GABRB1: variants seen among roughly 807,000 people sequenced by gnomAD.
GABRB1 encodes gamma-aminobutyric acid receptor subunit beta-1.
GABRB1 carries 17 observed loss-of-function variants against 51.6 expected under a neutral mutation model. That is an observed-to-expected ratio of 0.33 (90% CI 0.23 to 0.49). GABRB1 has a LOEUF of 0.49. Among genes scored for constraint, GABRB1 ranks in the 20% least tolerant of loss-of-function variants. GABRB1 has a pLI of 0.99. For synonymous variants in GABRB1, 247 were observed against 218.9 expected, an observed-to-expected ratio of 1.13 and a Z score of -1.14; for missense variants, 410 against 600.6, an observed-to-expected ratio of 0.68 and a Z score of 3.32.
At chr4:47,132,348 A>C (rs541236087) in intron 3 of GABRB1, among the ~76,000 whole-genome samples, 1 of 151,796 alleles carries the variant, frequency 6.6e-6, no homozygotes, top group Non-Finnish European at 1.5e-5. Flanking sequence ...GGGCTTGTTT[A>C]CCATCTCTGT....
At chr4:47,309,852 T>A (rs1038188513) in intron 4 of GABRB1, among the ~76,000 whole-genome samples, 2 of 152,202 alleles carry the variant, frequency 1.3e-5, no homozygotes, top group African/African-American at 4.8e-5. Context: ...GTTACTCTGA[T>A]AATGTATTTG....
chr4:47,386,988 C>T (rs1016743496), intron 5 of GABRB1, among the ~76,000 whole-genome samples: 18 of 152,216 alleles, frequency 1.2e-4, no homozygotes, highest in Admixed American at 1.0e-3. Context: ...ATGGTGTCAC[C>T]CCACAAAGTG....
intron 5 of GABRB1, among the ~76,000 whole-genome samples, chr4:47,336,734 C>T (rs1725710961): frequency 1.3e-5 from 2 of 152,148 alleles, no homozygotes; most frequent in African/African-American, 4.8e-5. Context: ...GATTTAGCAA[C>T]ACAGAGTGCT....
intron 4 of GABRB1, among the ~76,000 whole-genome samples, chr4:47,182,147 G>T (rs113237087): frequency 0.028 from 1,161 of 41,336 alleles, 7 homozygotes; most frequent in Non-Finnish European, 0.041. Flanking sequence ...GGGTGACCTT[G>T]TCTTGTTGAG....
At chr4:47,040,952 C>A (rs1725812409) in intron 3 of GABRB1, among the ~76,000 whole-genome samples, 1 of 152,014 alleles carries the variant, frequency 6.6e-6, no homozygotes, top group Admixed American at 6.6e-5. Flanking sequence ...CTTTATAAAA[C>A]CTTATAGGTA....
intron 4 of GABRB1, among the ~76,000 whole-genome samples, chr4:47,297,062 A>G (rs1253846180): frequency 6.6e-5 from 10 of 152,200 alleles, no homozygotes; most frequent in East Asian, 3.9e-4. Context: ...TGAAACCAAC[A>G]AGAACAAAGA....
intron 4 of GABRB1, among the ~76,000 whole-genome samples, chr4:47,275,216 A>G (rs1453175062): frequency 6.6e-6 from 1 of 152,194 alleles, no homozygotes; most frequent in African/African-American, 2.4e-5. Flanking sequence ...AAAATGACAA[A>G]GAAGCAAGTC....
upstream of GABRB1, among the ~76,000 whole-genome samples, chr4:47,028,601 T>G (rs978719032): frequency 9.9e-5 from 15 of 151,598 alleles, no homozygotes; most frequent in Admixed American, 9.2e-4. Context: ...GAGAGTAGAA[T>G]GATGAACACC....
chr4:47,116,697 C>T (rs1715495593), intron 3 of GABRB1, among the ~76,000 whole-genome samples: 2 of 152,090 alleles, frequency 1.3e-5, no homozygotes. Context: ...ATTACAATAT[C>T]TAGTACTTTT....
intron 4 of GABRB1, among the ~76,000 whole-genome samples, chr4:47,224,145 C>T (rs1720862327): frequency 1.3e-5 from 2 of 150,440 alleles, no homozygotes; most frequent in African/African-American, 2.4e-5. Flanking sequence ...GAAAAGCCCT[C>T]TCACCACTAT....
At chr4:47,361,053 A>T (rs1726788432) in intron 5 of GABRB1, among the ~76,000 whole-genome samples, 1 of 152,138 alleles carries the variant, frequency 6.6e-6, no homozygotes, top group African/African-American at 2.4e-5. Flanking sequence ...CTGCTACTGG[A>T]TACTGCGGCC....
At chr4:47,310,391 C>T (rs2109951099) in intron 4 of GABRB1, among the ~76,000 whole-genome samples, 1 of 152,206 alleles carries the variant, frequency 6.6e-6, no homozygotes, top group East Asian at 1.9e-4. Context: ...TGCCTGATTC[C>T]TGGTTAGTCA....
intron 1 of GABRB1, among the ~76,000 whole-genome samples, chr4:47,008,337 G>A (rs1042284214): frequency 4.6e-5 from 7 of 152,080 alleles, no homozygotes; most frequent in East Asian, 1.9e-4. Context: ...TAAATAAGAC[G>A]TGGGCTAGAT....
intron 3 of GABRB1, among the ~76,000 whole-genome samples, chr4:47,061,554 T>C (rs1430601706): frequency 1.3e-5 from 2 of 152,214 alleles, no homozygotes; most frequent in African/African-American, 4.8e-5. Flanking sequence ...GCTTTTCTGC[T>C]ATTAACTTAG....
intron 1 of GABRB1, among the ~76,000 whole-genome samples, chr4:47,012,038 C>T (rs1389819356): frequency 1.3e-5 from 2 of 152,104 alleles, no homozygotes; most frequent in Non-Finnish European, 2.9e-5. Flanking sequence ...ATTAAAGCTT[C>T]CTGAGTATCC....
At chr4:47,307,359 G>A (rs1387304207) in intron 4 of GABRB1, among the ~76,000 whole-genome samples, 1 of 151,928 alleles carries the variant, frequency 6.6e-6, no homozygotes, top group Non-Finnish European at 1.5e-5. Flanking sequence ...GCTCACAAAA[G>A]CAGAGACAGA....
intron 4 of GABRB1, among the ~76,000 whole-genome samples, chr4:47,300,065 G>A (rs996932884): frequency 8.0e-6 from 1 of 124,396 alleles, no homozygotes; most frequent in Admixed American, 1.0e-4. Context: ...ACAGGAAGGG[G>A]AACATCACAT....
chr4:47,224,555 TC>T (rs910810742), intron 4 of GABRB1, among the ~76,000 whole-genome samples: 1 of 152,030 alleles, frequency 6.6e-6, no homozygotes, highest in Non-Finnish European at 1.5e-5. Context: ...TTAAAACAGG[TC>T]AAGAACTTAT....
At chr4:47,384,312 A>G (rs1318533037) in intron 5 of GABRB1, among the ~76,000 whole-genome samples, 1 of 152,012 alleles carries the variant, frequency 6.6e-6, no homozygotes, top group Admixed American at 6.6e-5. Flanking sequence ...TGGCAGGTTG[A>G]GGATTTTTTT....
Sources: allele counts gnomAD v4.1 joint callset (sites outside exome capture counted in the v4.1 genomes callset), GRCh38; gene constraint gnomAD v4.1.1; transcripts MANE v1.5; gene names NCBI Gene and HGNC (gene_info 2026-07-23, HGNC 2026-07-21).